SYCP2L: variants seen among roughly 807,000 people sequenced by gnomAD.
SYCP2L encodes synaptonemal complex protein 2 like.
In SYCP2L, 98 loss-of-function variants were observed where a neutral mutation model predicts 125.8. That is an observed-to-expected ratio of 0.78 (90% confidence interval 0.66 to 0.92). The LOEUF is 0.92. Among genes scored for constraint, SYCP2L ranks in the 40% least tolerant of loss-of-function variants. SYCP2L has a pLI of 0.00. For missense variants in SYCP2L, 842 were observed against 936.4 expected, an observed-to-expected ratio of 0.90 and a Z score of 1.32; for synonymous variants, 317 against 325.4, an observed-to-expected ratio of 0.97 and a Z score of 0.28.
intron 29 of SYCP2L, 61 bp downstream of exon 29, chr6:10,963,904 C>T: frequency 7.9e-7 from 1 of 1,273,794 alleles, no homozygotes; most frequent in Non-Finnish European, 1.1e-6. Flanking sequence ...AGGGAGCAAG[C>T]TCTAAAAGAT....
intron 23 of SYCP2L, 82 bp from the exon 24 acceptor site, chr6:10,955,034 C>A: frequency 1.1e-6 from 1 of 922,746 alleles, no homozygotes; most frequent in Non-Finnish European, 1.8e-6. Context: ...TCAGATGGTA[C>A]TCTTCACAGT....
intron 14 of SYCP2L, among the ~76,000 whole-genome samples, chr6:10,919,553 T>A (rs1335193198): frequency 5.3e-5 from 8 of 152,218 alleles, no homozygotes; most frequent in Non-Finnish European, 8.8e-5. Context: ...CTGGTTGGCC[T>A]TCTGCCGGTA....
At chr6:10,939,268 G>GTT in intron 21 of SYCP2L, among the ~76,000 whole-genome samples, 1 of 152,290 alleles carries the variant, frequency 6.6e-6, no homozygotes, top group South Asian at 2.1e-4. Flanking sequence ...TATGTACATG[G>GTT]ATTGGAAGAA....
In SYCP2L at chr6:10,912,752, T is replaced by C. The variant is rs370758172; in HGVS notation, c.998T>C (p.Ile333Thr). 1.1e-5 allele frequency: 17 copies of C among 1,613,588 alleles called. No homozygotes were observed. The highest frequency in any genetic ancestry group is 1.4e-5 in the Non-Finnish European group (16 of 1,179,714). The change falls in exon 13 of 30, where the codon ATA becomes ACA. Residue 333 changes from isoleucine (I) to threonine (T), a missense_variant. Physicochemically the swap from Ile to Thr is moderately conservative, Grantham distance 89. Coordinates refer to ENST00000283141, the MANE Select transcript of SYCP2L (RefSeq NM_001040274.3). The surrounding 1 kb of genome is among the most constrained non-coding windows in gnomAD (Gnocchi z 4.1). ...GGAAGTCAGAGTGTCACTTTTTATA[T>C]AGACAATGCTGAGGTAATGATGTTC... Reference protein sequence around the residue: ...NLGSQSVTFYIDNAENTLWDS... With the variant: ...NLGSQSVTFYTDNAENTLWDS...
rs773619148 is a variant in SYCP2L at position 10,935,097 on chromosome 6, C to A, written c.1723C>A (p.Gln575Lys). ...LSPSEKEIPE[Q>K]NNTTSPKTSE... ...ACCATCAGAGAAAGAAATACCCGAG[C>A]AAAATAACACCACATCTCCAAAGAC... Residue 575 changes from glutamine (Q) to lysine (K), a missense_variant, in exon 21 of 30, where the codon CAA becomes AAA. Physicochemically the swap from Gln to Lys is moderately conservative, Grantham distance 53. Transcript: ENST00000283141. 9.3e-6 allele frequency: 15 copies of A among 1,612,196 alleles called. No individual in the cohort carries two copies. The highest frequency in any genetic ancestry group is 3.3e-4 in the Middle Eastern group (2 of 6,054).
chr6:10,902,559 T>C, intron 6 of SYCP2L, 118 bp from the exon 7 acceptor site: 1 of 771,388 alleles, frequency 1.3e-6, no homozygotes. Flanking sequence ...GCCTGCAAAG[T>C]GGGTTATATT....
chr6:10,972,133 A>G (rs760161221), intron 29 of SYCP2L, among the ~76,000 whole-genome samples: 14 of 152,232 alleles, frequency 9.2e-5, no homozygotes, highest in Non-Finnish European at 1.8e-4. Context: ...ATTTTTCCCT[A>G]TAATGGACAT....
chr6:10,916,799 G>C (rs1013551905), intron 14 of SYCP2L, among the ~76,000 whole-genome samples: 2 of 152,110 alleles, frequency 1.3e-5, no homozygotes, highest in African/African-American at 4.8e-5. Flanking sequence ...AGACCAGCCT[G>C]GTCAACATGG....
intron 1 of SYCP2L, among the ~76,000 whole-genome samples, 187 bp from the exon 2 acceptor site, chr6:10,891,326 A>C (rs552989763): frequency 1.3e-4 from 20 of 152,152 alleles, no homozygotes; most frequent in African/African-American, 4.6e-4. Context: ...AGGTTGGATA[A>C]AGTTTTTCTC....
intron 21 of SYCP2L, among the ~76,000 whole-genome samples, chr6:10,941,162 T>G (rs1781212219): frequency 1.3e-5 from 2 of 152,148 alleles, no homozygotes; most frequent in African/African-American, 4.8e-5. Context: ...CAAGATGGAT[T>G]AAAGACTTAA....
chr6:10,949,060 C>T (rs990402261), intron 23 of SYCP2L, among the ~76,000 whole-genome samples: 5 of 152,108 alleles, frequency 3.3e-5, no homozygotes, highest in African/African-American at 1.2e-4. Flanking sequence ...ACTAGAGGTC[C>T]ACCTAACTCA....
intron 23 of SYCP2L, among the ~76,000 whole-genome samples, chr6:10,943,835 T>G (rs577188592): frequency 6.6e-6 from 1 of 152,232 alleles, no homozygotes; most frequent in African/African-American, 2.4e-5. Flanking sequence ...ATATGTGGCT[T>G]CTTTTGCTCA....
chr6:10,907,096 C>G (rs1423436613), intron 9 of SYCP2L, among the ~76,000 whole-genome samples: 2 of 151,994 alleles, frequency 1.3e-5, no homozygotes, highest in Non-Finnish European at 2.9e-5. Flanking sequence ...ACAATTCCGG[C>G]ACTTTGGGAG....
chr6:10,887,605 C>T (rs1780097753), intron 1 of SYCP2L, among the ~76,000 whole-genome samples: 1 of 152,030 alleles, frequency 6.6e-6, no homozygotes, highest in Admixed American at 6.6e-5. Flanking sequence ...GAAGTTTGAG[C>T]CCACCCAGGG....
In SYCP2L at chr6:10,954,037, G is replaced by A. The variant is rs1030157259; in HGVS notation, c.1955-1079G>A. On this transcript the variant is annotated intron_variant, in intron 23 of 29. Coordinates refer to ENST00000283141, the MANE Select transcript of SYCP2L (RefSeq NM_001040274.3). The surrounding 1 kb of genome is among the most constrained non-coding windows in gnomAD (Gnocchi z 4.8). ...AGCAGAGTGGAGGAAGGGTCACTTCGTCTTTACCTCTCACTATCTGCCAGC... is the reference window on the plus strand; with the variant it reads ...AGCAGAGTGGAGGAAGGGTCACTTCATCTTTACCTCTCACTATCTGCCAGC... 1.3e-5 allele frequency among the ~76,000 whole-genome samples: 2 copies of A among 152,170 alleles called. No homozygotes were observed. The highest frequency in any genetic ancestry group is 1.9e-4 in the East Asian group (1 of 5,190).
At chr6:10,905,570 G>T (rs904947866) in intron 8 of SYCP2L, among the ~76,000 whole-genome samples, 1 of 152,162 alleles carries the variant, frequency 6.6e-6, no homozygotes. Flanking sequence ...GGGATTACAG[G>T]CGTGAGCCAC....
At chr6:10,932,090 T>C (rs1781007231) in intron 20 of SYCP2L, among the ~76,000 whole-genome samples, 1 of 151,326 alleles carries the variant, frequency 6.6e-6, no homozygotes, top group Non-Finnish European at 1.5e-5. Context: ...GCAAATTTAC[T>C]CTTTTGAATT....
intron 14 of SYCP2L, among the ~76,000 whole-genome samples, chr6:10,916,356 G>A (rs1293708917): frequency 2.6e-5 from 4 of 151,892 alleles, no homozygotes; most frequent in South Asian, 2.1e-4. Flanking sequence ...TTTCTTCTAC[G>A]GGGTTTGAGT....
intron 14 of SYCP2L, among the ~76,000 whole-genome samples, chr6:10,923,433 T>C (rs983544213): frequency 3.0e-5 from 4 of 131,402 alleles, no homozygotes; most frequent in Admixed American, 2.8e-4. Flanking sequence ...TCACCCAGGC[T>C]GGAGTGCAGT....
Sources: gnomAD v4.1 joint callset for allele counts (sites outside exome capture counted in the v4.1 genomes callset) on GRCh38, gnomAD v4.1.1 for gene constraint, Gnocchi (gnomAD v3.1) non-coding constraint, MANE v1.5 for transcripts, NCBI Gene and HGNC (gene_info 2026-07-23, HGNC 2026-07-21) for gene names.